The following JAK3 variants were observed in gnomAD, a reference collection of about 807,000 sequenced individuals.
The protein encoded by JAK3 is tyrosine-protein kinase JAK3.
In JAK3, 88 loss-of-function variants were observed where a neutral mutation model predicts 120.8. The observed-to-expected ratio is 0.73, with a 90% confidence interval of 0.61 to 0.87. JAK3 has a LOEUF of 0.87. Among genes scored for constraint, JAK3 ranks in the 40% least tolerant of loss-of-function variants. The pLI is 0.00. For missense variants in JAK3, 1,254 were observed against 1,501.4 expected (o/e 0.84, Z 2.72); for synonymous variants, 592 against 628.6 (o/e 0.94, Z 0.87).
In JAK3 at chr19:17,827,717, TAAAAAAAAAAAAAAAAAAA is replaced by T. The variant is rs760856974; in HGVS notation, c.3208-826_3208-808del. Among the ~76,000 whole-genome samples, 113 of 77,682 alleles carry T rather than the reference TAAAAAAAAAAAAAAAAAAA, an allele frequency of 1.5e-3. 2 individuals carry two copies. The highest frequency in any genetic ancestry group is 7.6e-3 in the Middle Eastern group (1 of 132). The allele number at this position is 77,682 out of a possible 152,430, so 51.0% of individuals were successfully genotyped here. A position where few individuals can be genotyped will look rare whatever the true frequency, so the allele number is the denominator to read the frequency against. ...CAACATGGAGAAACCCCATCTTAAC[TAAAAAAAAAAAAAAAAAAA>T]AAAAAAAAAAAAAAAAAAAAAAATT... On this transcript the variant is annotated intron_variant, in intron 23 of 23. Coordinates refer to ENST00000458235, the MANE Select transcript of JAK3 (RefSeq NM_000215.4).
In JAK3 at chr19:17,834,686, C is replaced by T. The variant is rs149207170; in HGVS notation, c.2235G>A (p.Pro745=). Residue 745 remains proline (P), a synonymous_variant, in exon 17 of 24, where the codon CCG becomes CCA. Transcript: ENST00000458235. ...GGGCCAGCTCTGTCCACTTGGGGGC[C>T]GGCAGCTGCTGCCGGTCCTCATAAA... ...LQFYEDRQQL[P]APKWTELALL... is the part of the protein sequence containing the mutation. The T allele has an allele frequency of 4.9e-4, 786 of 1,614,118 alleles. 3 individuals carry two copies. The South Asian group carries it at 5.0e-3, about 10-fold the overall frequency.
chr19:17,830,252 G>T (rs1216867103), intron 22 of JAK3, 34 bp from the exon 23 acceptor site: 2 of 1,519,910 alleles, frequency 1.3e-6, no homozygotes, highest in East Asian at 2.4e-5. Flanking sequence ...TGGTGGGGGA[G>T]GAGCCTCCGT....
chr19:17,836,849 G>T, intron 13 of JAK3: 1 of 528,230 alleles, frequency 1.9e-6, no homozygotes, highest in South Asian at 1.9e-5. Context: ...TGAAACCAAG[G>T]CTCAGAAAGG....
chr19:17,836,289 CTCTTT>C (rs2094224146), intron 13 of JAK3, among the ~76,000 whole-genome samples: 1 of 150,196 alleles, frequency 6.7e-6, no homozygotes, highest in Non-Finnish European at 1.5e-5. Flanking sequence ...TTTTTTTTTT[CTCTTT>C]TCTTTTGAGA....
At chr19:17,830,465 G>A (rs1177954937) in intron 22 of JAK3, 38 bp downstream of exon 22, 3 of 1,527,044 alleles carry the variant, frequency 2.0e-6, no homozygotes, top group East Asian at 2.3e-5. Flanking sequence ...GGGGCGTGGA[G>A]GGAGAAGAAG....
intron 1 of JAK3, among the ~76,000 whole-genome samples, chr19:17,847,577 A>G (rs1217620131): frequency 6.6e-6 from 1 of 151,984 alleles, no homozygotes; most frequent in Non-Finnish European, 1.5e-5. Context: ...GCATCCTGGT[A>G]TGGTCGGGTA....
rs1214143417 is a variant in JAK3, at chr19:17,841,574, T to A, written c.985-28A>T. On this transcript the variant is annotated intron_variant, in intron 7 of 23. Coordinates refer to ENST00000458235, the MANE Select transcript of JAK3 (RefSeq NM_000215.4). This position sits in a 1 kb window ranked among gnomAD's most constrained non-coding sequence, Gnocchi z 4.1. ...GCGAGGGACAAGCGTCAGAGCCCAGTGAAACCCGAGGGTGCCGGTCCCGCC... is the reference window on the plus strand; with the variant it reads ...GCGAGGGACAAGCGTCAGAGCCCAGAGAAACCCGAGGGTGCCGGTCCCGCC... 2.5e-6 allele frequency: 4 copies of A among 1,605,682 alleles called. No individual in the cohort carries two copies. In the South Asian group the frequency reaches 4.4e-5, roughly 18 times the overall value.
chr19:17,842,138 A>C lies in JAK3; in HGVS notation c.861+178T>G, dbSNP rs2094240919. ...GGTCGCTCAGCCCAACCCTTCACTCAGTTTGCCCCTCCCATTCCCGCAGTC... is the reference window on the plus strand; with the variant it reads ...GGTCGCTCAGCCCAACCCTTCACTCCGTTTGCCCCTCCCATTCCCGCAGTC... On this transcript the variant is annotated intron_variant, in intron 6 of 23. Transcript: ENST00000458235. This position sits in a 1 kb window ranked among gnomAD's most constrained non-coding sequence, Gnocchi z 6.4. Among the ~76,000 whole-genome samples, 1 of 133,556 alleles carries C rather than the reference A, an allele frequency of 7.5e-6. No individual in the cohort carries two copies. Among genetic ancestry groups the C allele is most frequent in the Non-Finnish European group, 1.6e-5 (1 of 63,210 alleles). 87.6% of individuals were successfully genotyped at this position (133,556 alleles called of 152,430 possible).
In JAK3 at chr19:17,837,959, C is replaced by A; in HGVS notation, c.1674G>T (p.Met558Ile). Reference sequence around the variant, plus strand: ...CCATGCAGTTCTTGTGCTTGGCATCCATGACCTTCAGCAGCACCTCTGTCT... The same window carrying A: ...CCATGCAGTTCTTGTGCTTGGCATCAATGACCTTCAGCAGCACCTCTGTCT... ...ARKTEVLLKVMDAKHKNCMES... is the reference protein window; with the variant it reads ...ARKTEVLLKVIDAKHKNCMES... The change falls in exon 12 of 24, where the codon ATG becomes ATT. Residue 558 changes from methionine to isoleucine, a missense_variant. Physicochemically the swap from Met to Ile is conservative, Grantham distance 10 (BLOSUM62 1). This residue lies in a region of JAK3 where 630 missense variants were observed against 819.8 expected (regional missense o/e 0.77). Transcript: ENST00000458235. 2.5e-6 allele frequency: 4 copies of A among 1,614,152 alleles called. No individual in the cohort carries two copies. Among genetic ancestry groups the A allele is most frequent in the Non-Finnish European group, 3.4e-6 (4 of 1,180,032 alleles).
chr19:17,846,616 G>A (rs904007865), intron 1 of JAK3, among the ~76,000 whole-genome samples: 1 of 152,154 alleles, frequency 6.6e-6, no homozygotes, highest in Non-Finnish European at 1.5e-5. Context: ...ACGGAGTCTC[G>A]CACTGTCACC....
In JAK3 at chr19:17,831,164, C is replaced by T. The variant is rs1160662929; in HGVS notation, c.2978+64G>A. 511 of 1,447,690 alleles carry T rather than the reference C, an allele frequency of 3.5e-4. 1 individual carries two copies. The highest frequency in any genetic ancestry group is 4.4e-4 in the Non-Finnish European group (484 of 1,091,772). 89.7% of individuals were successfully genotyped at this position (1,447,690 alleles called of 1,614,324 possible). On this transcript the variant is annotated intron_variant, in intron 21 of 23. Coordinates refer to ENST00000458235, the MANE Select transcript of JAK3 (RefSeq NM_000215.4). The surrounding 1 kb of genome is among the most constrained non-coding windows in gnomAD (Gnocchi z 5.1). ...GCAAAGCAGCGGGAGGGGGCGGGGG[C>T]ATGGCTGGGGGCGGAGCCAGAGCCG... is the stretch of plus-strand genomic sequence containing the variant.
rs553669213 is a variant in JAK3 at position 17,837,051 on chromosome 19, C to T, written c.1786+78G>A. 1.7e-4 allele frequency: 169 copies of T among 980,026 alleles called. 1 individual carries two copies. The African/African-American group carries it at 2.6e-3, about 15-fold the overall frequency. 60.7% of individuals were successfully genotyped at this position (980,026 alleles called of 1,614,324 possible). A position where few individuals can be genotyped will look rare whatever the true frequency, so the allele number is the denominator to read the frequency against. ...GTGTGTTGCTGGGGCTGTCATATAG[C>T]GGCTCAGAACAGAGGTGGGAAGAAC... On this transcript the variant is annotated intron_variant, in intron 13 of 23. Transcript: ENST00000458235.
Position 17,826,763 on chromosome 19 carries a change from G to A in JAK3, c.3355C>T (p.His1119Tyr), listed in dbSNP as rs767372883. 28 of 1,613,948 alleles carry A rather than the reference G, an allele frequency of 1.7e-5. No individual in the cohort carries two copies. Among genetic ancestry groups the A allele is most frequent in the Non-Finnish European group, 1.9e-5 (23 of 1,179,984 alleles). Reference sequence around the variant, plus strand: ...AGGAGCTATGAAAAGGACAGGGAGTGGTGTTTGCCCTCTGGGTGAGCAGTG... The same window carrying A: ...AGGAGCTATGAAAAGGACAGGGAGTAGTGTTTGCCCTCTGGGTGAGCAGTG... ...AFTAHPEGKH[H>Y]SLSFS Residue 1119 changes from histidine to tyrosine, a missense_variant, in exon 24 of 24, where the codon CAC becomes TAC. His to Tyr is a moderately conservative substitution (Grantham distance 83). This residue lies in a region of JAK3 where 630 missense variants were observed against 819.8 expected (regional missense o/e 0.77). Coordinates refer to ENST00000458235, the MANE Select transcript of JAK3 (RefSeq NM_000215.4).
chr19:17,833,524 T>C (rs987263099), intron 17 of JAK3, among the ~76,000 whole-genome samples: 8 of 105,814 alleles, frequency 7.6e-5, no homozygotes, highest in Admixed American at 2.6e-4. Context: ...CTGGGGAACA[T>C]AGCAAAACCC....
In JAK3 at chr19:17,843,368, G is replaced by A. The variant is rs1161784126; in HGVS notation, c.420+12C>T. 6.4e-7 allele frequency: 1 copy of A among 1,571,840 alleles called. No homozygotes were observed. The highest frequency in any genetic ancestry group is 1.2e-5 in the South Asian group (1 of 86,514). On this transcript the variant is annotated intron_variant, in intron 4 of 23. Transcript: ENST00000458235. The surrounding 1 kb of genome is among the most constrained non-coding windows in gnomAD (Gnocchi z 5.4). Reference sequence around the variant, plus strand: ...CCCAACCCCCTGGGTCAAACCCCAGGCAGAACCCCACCTGGGCAAAGAGGT... The same window carrying A: ...CCCAACCCCCTGGGTCAAACCCCAGACAGAACCCCACCTGGGCAAAGAGGT...
rs200480252 is a variant in JAK3, at chr19:17,832,520, C to T, written c.2679G>A (p.Pro893=). 9 of 1,614,042 alleles carry T rather than the reference C, an allele frequency of 5.6e-6. No individual in the cohort carries two copies. In the Admixed American group the frequency reaches 6.7e-5, roughly 12 times the overall value. The change falls in exon 19 of 24, where the codon CCG becomes CCA. Residue 893 remains proline, a splice_region_variant and synonymous_variant. Transcript: ENST00000458235. The surrounding 1 kb of genome is among the most constrained non-coding windows in gnomAD (Gnocchi z 4.7). ...TCACTCATCCGGGAGCTGGCTCACC[C>T]GGGCCATAGCTGACACCACGATACT... ...IVKYRGVSYG[P]GRQSLRLVME... is the part of the protein sequence containing the mutation.
In JAK3 at chr19:17,839,744, T is replaced by TC. The variant is rs1467431306; in HGVS notation, c.1255-82_1255-81insG. On this transcript the variant is annotated intron_variant, in intron 9 of 23. Transcript: ENST00000458235. ...GTCCTTCTTCCTTTTTTTTCTTTTT[T>TC]TTTTTTTTTTTTTGGAGACGGAGTC... 1.5e-5 allele frequency: 18 copies of TC among 1,215,864 alleles called. No individual in the cohort carries two copies. In the African/African-American group the frequency reaches 1.7e-4, roughly 12 times the overall value. 75.3% of individuals were successfully genotyped at this position (1,215,864 alleles called of 1,614,324 possible).
chr19:17,831,279 A>T lies in JAK3; in HGVS notation c.2927T>A (p.Leu976His), dbSNP rs1452171556. Residue 976 changes from leucine to histidine, a missense_variant, in exon 21 of 24, where the codon CTT (leucine) becomes CAT (histidine). This residue lies in a region of JAK3 where 630 missense variants were observed against 819.8 expected (regional missense o/e 0.77). Coordinates refer to ENST00000458235, the MANE Select transcript of JAK3 (RefSeq NM_000215.4). This position sits in a 1 kb window ranked among gnomAD's most constrained non-coding sequence, Gnocchi z 5.1. ...ADFGLAKLLP[L>H]DKDYYVVREP... Reference sequence around the variant, plus strand: ...GCGGACCACGTAGTAGTCTTTGTCAAGCGGCAGCAGCTTAGCTAGGCCGAA... The same window carrying T: ...GCGGACCACGTAGTAGTCTTTGTCATGCGGCAGCAGCTTAGCTAGGCCGAA... 2 of 1,612,686 alleles carry T rather than the reference A, an allele frequency of 1.2e-6. No homozygotes were observed. Among genetic ancestry groups the T allele is most frequent in the Admixed American group, 3.3e-5 (2 of 59,976 alleles).
Position 17,832,790 on chromosome 19 carries a change from C to T in JAK3, c.2490G>A (p.Lys830=). The T allele has an allele frequency of 1.2e-6, 2 of 1,614,258 alleles. No individual in the cohort carries two copies. Among genetic ancestry groups the T allele is most frequent in the Non-Finnish European group, 1.7e-6 (2 of 1,180,044 alleles). ...RHLKYISQLG[K]GNFGSVELCR... ...CCCACCCTGGCCCTGCCCACCTTAC[C>T]TTGCCCAGCTGTGAGATGTACTTGA... Residue 830 remains lysine (K), a splice_region_variant and synonymous_variant, in exon 18 of 24, where the codon AAG becomes AAA. Coordinates refer to ENST00000458235, the MANE Select transcript of JAK3 (RefSeq NM_000215.4). This position sits in a 1 kb window ranked among gnomAD's most constrained non-coding sequence, Gnocchi z 4.7.
Sources: gnomAD v4.1 joint callset for allele counts (sites outside exome capture counted in the v4.1 genomes callset) on GRCh38, gnomAD v4.1.1 for gene constraint, gnomAD v4.1.1 regional missense constraint, Gnocchi (gnomAD v3.1) non-coding constraint, MANE v1.5 for transcripts, NCBI Gene and HGNC (gene_info 2026-07-23, HGNC 2026-07-21) for gene names.